Variants in MAGI2 observed in about 807,000 individuals in gnomAD.
The protein encoded by MAGI2 is membrane-associated guanylate kinase, WW and PDZ domain-containing protein 2.
MAGI2 carries 35 observed loss-of-function variants against 133.3 expected under a neutral mutation model. That is an observed-to-expected ratio of 0.26 (90% CI 0.20 to 0.35). The LOEUF (loss-of-function observed/expected upper bound fraction) is 0.35, where lower values mean the gene tolerates loss of function less well. MAGI2 is among the 10% of genes least tolerant of loss of function. MAGI2 has a pLI of 1.00. For missense variants in MAGI2, 1,636 were observed against 1,863.4 expected, an observed-to-expected ratio of 0.88 and a Z score of 2.25; for synonymous variants, 729 against 710.6, an observed-to-expected ratio of 1.03 and a Z score of -0.41.
At chr7:79,077,600 T>A (rs5013614) in intron 1 of MAGI2, among the ~76,000 whole-genome samples, 24,349 of 40,290 alleles carry the variant, frequency 0.6, 8,117 homozygotes, top group African/African-American at 0.69. Context: ...AAAAAATAAA[T>A]AAATAAATAA....
At chr7:78,467,768 T>C (rs886128594) in intron 6 of MAGI2, among the ~76,000 whole-genome samples, 6 of 152,148 alleles carry the variant, frequency 3.9e-5, no homozygotes, top group African/African-American at 1.4e-4. Context: ...ATAACATTTT[T>C]AATAGCAGAA....
At chr7:78,761,688 C>T (rs1418026915) in intron 2 of MAGI2, among the ~76,000 whole-genome samples, 1 of 152,032 alleles carries the variant, frequency 6.6e-6, no homozygotes, top group Non-Finnish European at 1.5e-5. Context: ...GAACTCCTGA[C>T]CTTAGATGAT....
At chr7:78,459,550 A>G (rs1007790699) in intron 6 of MAGI2, among the ~76,000 whole-genome samples, 3 of 152,226 alleles carry the variant, frequency 2.0e-5, no homozygotes, top group African/African-American at 4.8e-5. Context: ...TATTCCACGA[A>G]TTTAATATTC....
At chr7:78,258,419 A>AACGTAT (rs1793206886) in intron 9 of MAGI2, among the ~76,000 whole-genome samples, 1 of 152,158 alleles carries the variant, frequency 6.6e-6, no homozygotes, top group Non-Finnish European at 1.5e-5. Flanking sequence ...AAGAACAACA[A>AACGTAT]ATACTTGTAT....
At chr7:79,356,533 T>G (rs1842030392) in intron 1 of MAGI2, among the ~76,000 whole-genome samples, 1 of 152,194 alleles carries the variant, frequency 6.6e-6, no homozygotes, top group Non-Finnish European at 1.5e-5. Flanking sequence ...AAAAACATGT[T>G]GATCTTGATC....
Position 78,280,286 on chromosome 7 carries a change from AAGAC to A in MAGI2, c.1409-23709_1409-23706del, listed in dbSNP as rs543893271. Among the ~76,000 whole-genome samples, 1,041 of 152,210 alleles carry A rather than the reference AAGAC, an allele frequency of 6.8e-3. 11 individuals are homozygous for A. The highest frequency in any genetic ancestry group is 0.024 in the African/African-American group (984 of 41,560). On this transcript the variant is annotated intron_variant, in intron 9 of 21. Transcript: ENST00000354212. ...CCCACAAATACCTCCTTCACAAAGA[AAGAC>A]AAATTGTGGGGGATGTGGAAGGGGT...
intron 1 of MAGI2, among the ~76,000 whole-genome samples, chr7:79,426,072 G>T (rs925239585): frequency 1.3e-5 from 2 of 152,160 alleles, no homozygotes. Flanking sequence ...CCCAAACTGA[G>T]AATGTATTCA....
intron 2 of MAGI2, among the ~76,000 whole-genome samples, chr7:78,869,412 A>G (rs1484977014): frequency 1.3e-5 from 2 of 152,160 alleles, no homozygotes; most frequent in Non-Finnish European, 2.9e-5. Context: ...AGAGTGAGAG[A>G]TGAGAATCTA....
chr7:78,370,723 C>T (rs1379245976), intron 6 of MAGI2, among the ~76,000 whole-genome samples: 1 of 151,854 alleles, frequency 6.6e-6, no homozygotes, highest in East Asian at 1.9e-4. Context: ...CTTTTAGGAA[C>T]ATATATGTTT....
chr7:78,259,198 G>T (rs1793285728), intron 9 of MAGI2, among the ~76,000 whole-genome samples: 1 of 151,878 alleles, frequency 6.6e-6, no homozygotes, highest in Non-Finnish European at 1.5e-5. Flanking sequence ...TATTCAGTGA[G>T]TTTTTTTTAA....
chr7:78,705,772 C>A (rs147845134), intron 2 of MAGI2, among the ~76,000 whole-genome samples: 1 of 152,094 alleles, frequency 6.6e-6, no homozygotes, highest in Non-Finnish European at 1.5e-5. Context: ...ACTGGATTAA[C>A]GTCCTTTTGA....
chr7:78,019,847 T>C lies in MAGI2; in HGVS notation c.3836A>G (p.Gln1279Arg). Residue 1279 changes from glutamine (Q) to arginine (R), a missense_variant, in exon 22 of 22, where the codon CAG becomes CGG. Around this residue, in one of 5 missense-constraint regions of MAGI2, gnomAD observed 354 missense variants for 298.7 expected, o/e 1.19. Transcript: ENST00000354212. ...HPAPPSDPSH[Q>R]ISPGPTWDIK... ...ATCCCAAGTTGGGCCTGGGCTTATC[T>C]GGTGGGAAGGGTCGGAGGGTGGGGC... is the stretch of plus-strand genomic sequence containing the variant. 3 of 1,613,544 alleles carry C rather than the reference T, an allele frequency of 1.9e-6. No individual in the cohort carries two copies. The highest frequency in any genetic ancestry group is 2.5e-6 in the Non-Finnish European group (3 of 1,179,916).
chr7:78,397,554 A>G (rs562275578), intron 6 of MAGI2, among the ~76,000 whole-genome samples: 58 of 152,264 alleles, frequency 3.8e-4, no homozygotes, highest in African/African-American at 1.3e-3. Flanking sequence ...ATTGAAGTAT[A>G]AGTGAGATCA....
chr7:78,459,052 C>A (rs1789676166), intron 6 of MAGI2, among the ~76,000 whole-genome samples: 1 of 152,186 alleles, frequency 6.6e-6, no homozygotes, highest in Non-Finnish European at 1.5e-5. Context: ...GATAAAAGAG[C>A]ATTCAAAGTA....
At chr7:78,984,675 T>G (rs941293349) in intron 2 of MAGI2, among the ~76,000 whole-genome samples, 4 of 151,788 alleles carry the variant, frequency 2.6e-5, no homozygotes, top group Non-Finnish European at 5.9e-5. Flanking sequence ...TGGACACACA[T>G]GCACACACGC....
At chr7:78,955,741 CTTTCTTTCTTT>C (rs1562713037) in intron 2 of MAGI2, among the ~76,000 whole-genome samples, 1 of 60,646 alleles carries the variant, frequency 1.6e-5, no homozygotes, top group East Asian at 4.6e-4. Flanking sequence ...TTCTTTCTTT[CTTTCTTTCTTT>C]CTTTCTTTCT....
At chr7:78,119,351 G>C (rs948345538) in intron 20 of MAGI2, among the ~76,000 whole-genome samples, 1 of 152,008 alleles carries the variant, frequency 6.6e-6, no homozygotes, top group African/African-American at 2.4e-5. Flanking sequence ...ATGAGGTCAG[G>C]GGATAGAGAC....
At chr7:78,418,853 T>C (rs1321674378) in intron 6 of MAGI2, among the ~76,000 whole-genome samples, 1 of 152,064 alleles carries the variant, frequency 6.6e-6, no homozygotes, top group African/African-American at 2.4e-5. Flanking sequence ...GAAATGAAGG[T>C]AGTAGTAATA....
intron 2 of MAGI2, among the ~76,000 whole-genome samples, chr7:78,697,656 A>G (rs1817656527): frequency 6.6e-6 from 1 of 152,188 alleles, no homozygotes; most frequent in Non-Finnish European, 1.5e-5. Flanking sequence ...CATCTCGTAG[A>G]GCAAATGTCT....
Sources: allele counts gnomAD v4.1 joint callset (sites outside exome capture counted in the v4.1 genomes callset), GRCh38; gene constraint gnomAD v4.1.1; regional missense constraint gnomAD v4.1.1; transcripts MANE v1.5; gene names NCBI Gene and HGNC (gene_info 2026-07-23, HGNC 2026-07-21).